The following ENOX2 variants were observed in gnomAD, a reference collection of about 807,000 sequenced individuals.
The protein encoded by ENOX2 is APK1 antigen.
A neutral mutation model predicts 45.0 loss-of-function variants in ENOX2; 36 were observed. That is an observed-to-expected ratio of 0.80 (90% CI 0.61 to 1.06). ENOX2 has a LOEUF of 1.06. Among genes scored for constraint, ENOX2 ranks in the 50% least tolerant of loss-of-function variants. ENOX2 has a pLI of 0.00. For synonymous variants in ENOX2, 174 were observed against 152.3 expected (o/e 1.14, Z -1.05); for missense variants, 423 against 462.5 (o/e 0.91, Z 0.78).
intron 3 of ENOX2, among the ~76,000 whole-genome samples, chrX:130,720,988 A>T (rs2038459695): frequency 8.9e-6 from 1 of 112,163 alleles, no homozygotes; most frequent in South Asian, 3.8e-4. Flanking sequence ...AGACATTTCC[A>T]TCAGCAGTAA....
At chrX:130,717,837 C>G (rs1344946575) in intron 3 of ENOX2, among the ~76,000 whole-genome samples, 1 of 111,616 alleles carries the variant, frequency 9.0e-6, no homozygotes, top group African/African-American at 3.3e-5. Flanking sequence ...CCATGTACCC[C>G]TCCCTAATCG....
At chrX:130,682,099 T>C (rs2037320294) in intron 5 of ENOX2, among the ~76,000 whole-genome samples, 1 of 110,557 alleles carries the variant, frequency 9.0e-6, no homozygotes, top group Non-Finnish European at 1.9e-5. Context: ...TTAGAGACTT[T>C]AGAATACAAT....
At chrX:130,824,186 T>C (rs1603361187) in intron 2 of ENOX2, among the ~76,000 whole-genome samples, 1 of 111,931 alleles carries the variant, frequency 8.9e-6, no homozygotes, top group African/African-American at 3.2e-5. Context: ...ATTATTTACC[T>C]AGCTTCCTTT....
At chrX:130,897,196 A>T (rs1285518815) in intron 2 of ENOX2, among the ~76,000 whole-genome samples, 1 of 112,341 alleles carries the variant, frequency 8.9e-6, no homozygotes, top group Non-Finnish European at 1.9e-5. Context: ...TTCAAAAAAT[A>T]AAGAAAAACA....
At chrX:130,802,815 A>C (rs1175639530) in intron 2 of ENOX2, among the ~76,000 whole-genome samples, 2 of 112,403 alleles carry the variant, frequency 1.8e-5, no homozygotes, top group African/African-American at 6.5e-5. Context: ...GAAGTGAGGA[A>C]ACCATCATGC....
chrX:130,740,141 G>A (rs1207075083), intron 3 of ENOX2, among the ~76,000 whole-genome samples: 2 of 112,223 alleles, frequency 1.8e-5, no homozygotes, highest in Admixed American at 9.4e-5. Context: ...GGTGGCTCAC[G>A]CGTGTAATCC....
chrX:130,695,352 A>G (rs748685792), intron 4 of ENOX2, among the ~76,000 whole-genome samples: 22 of 112,033 alleles, frequency 2.0e-4, no homozygotes, highest in Middle Eastern at 4.6e-3. Context: ...CCATGTATCA[A>G]TTGGAGGCAG....
At chrX:130,885,781 A>G (rs1267171592) in intron 2 of ENOX2, among the ~76,000 whole-genome samples, 1 of 112,412 alleles carries the variant, frequency 8.9e-6, no homozygotes, top group Admixed American at 9.4e-5. Flanking sequence ...AACCAGTAAC[A>G]CTGGTCCATG....
intron 3 of ENOX2, among the ~76,000 whole-genome samples, chrX:130,754,914 G>A (rs1428947067): frequency 8.9e-6 from 1 of 111,928 alleles, no homozygotes; most frequent in African/African-American, 3.2e-5. Flanking sequence ...TACATGCTCA[G>A]AGCATGTCTT....
At chrX:130,711,670 T>C (rs1017479910) in intron 3 of ENOX2, among the ~76,000 whole-genome samples, 2 of 111,430 alleles carry the variant, frequency 1.8e-5, no homozygotes, top group African/African-American at 6.5e-5. Flanking sequence ...TGGAAGAGAA[T>C]AGCTTGATCT....
intron 10 of ENOX2, among the ~76,000 whole-genome samples, chrX:130,652,548 C>T (rs2036433354): frequency 8.9e-6 from 1 of 112,281 alleles, no homozygotes; most frequent in Non-Finnish European, 1.9e-5. Flanking sequence ...TCATATTCCG[C>T]AAATCAGTCC....
intron 3 of ENOX2, among the ~76,000 whole-genome samples, chrX:130,714,373 C>T (rs2038272593): frequency 8.9e-6 from 1 of 111,873 alleles, no homozygotes; most frequent in African/African-American, 3.2e-5. Flanking sequence ...GCATCAGAAT[C>T]ACCTTGGGTG....
At chrX:130,800,073 G>T (rs1299513880) in intron 2 of ENOX2, among the ~76,000 whole-genome samples, 1 of 110,931 alleles carries the variant, frequency 9.0e-6, no homozygotes, top group Non-Finnish European at 1.9e-5. Context: ...CTCAGAAGAA[G>T]AGTCTAACGC....
At chrX:130,829,907 A>G (rs748852336) in intron 2 of ENOX2, among the ~76,000 whole-genome samples, 66 of 112,098 alleles carry the variant, frequency 5.9e-4, no homozygotes, top group African/African-American at 2.1e-3. Flanking sequence ...AATTGTCACA[A>G]GAGGAAAAAG....
chrX:130,697,626 CTT>C (rs1217284652), intron 4 of ENOX2, among the ~76,000 whole-genome samples: 1 of 111,831 alleles, frequency 8.9e-6, no homozygotes, highest in Non-Finnish European at 1.9e-5. Context: ...GGGTAGGAAA[CTT>C]TGTCTTTCTT....
At chrX:130,738,830 C>G (rs755711099) in intron 3 of ENOX2, among the ~76,000 whole-genome samples, 11 of 112,222 alleles carry the variant, frequency 9.8e-5, no homozygotes, top group Non-Finnish European at 1.7e-4. Context: ...GGCAGCACAG[C>G]AAGCAAGTAC....
At chrX:130,708,831 T>C (rs2038106616) in intron 3 of ENOX2, among the ~76,000 whole-genome samples, 1 of 112,150 alleles carries the variant, frequency 8.9e-6, no homozygotes. Context: ...TTGGAGGGTT[T>C]CTTTTGAGGG....
intron 10 of ENOX2, among the ~76,000 whole-genome samples, chrX:130,654,870 G>A (rs1411305200): frequency 8.9e-6 from 1 of 112,039 alleles, no homozygotes; most frequent in African/African-American, 3.2e-5. Context: ...AGACACAGAA[G>A]CAAAATGCAA....
intron 10 of ENOX2, among the ~76,000 whole-genome samples, chrX:130,644,303 C>G (rs1243852342): frequency 9.0e-6 from 1 of 111,577 alleles, no homozygotes; most frequent in Non-Finnish European, 1.9e-5. Context: ...ACAAATTAAA[C>G]AAATCCAAAG....
Sources: allele counts gnomAD v4.1 joint callset (sites outside exome capture counted in the v4.1 genomes callset), GRCh38; gene constraint gnomAD v4.1.1; transcripts MANE v1.5; gene names NCBI Gene and HGNC (gene_info 2026-07-23, HGNC 2026-07-21).